Variants in ANKRD13A observed in about 807,000 individuals in gnomAD.
ANKRD13A encodes ankyrin repeat domain 13A.
A neutral mutation model predicts 81.3 loss-of-function variants in ANKRD13A; 48 were observed. The ratio of observed to expected loss-of-function variants is 0.59; its 90% CI spans 0.47 to 0.75. The LOEUF is 0.75. Among genes scored for constraint, ANKRD13A ranks in the 30% least tolerant of loss-of-function variants. The pLI is 0.00. For missense variants in ANKRD13A, 612 were observed against 734.0 expected (o/e 0.83, Z 1.92); for synonymous variants, 230 against 270.1 (o/e 0.85, Z 1.45).
chr12:110,030,436 G>A (rs1261584163), intron 11 of ANKRD13A, among the ~76,000 whole-genome samples: 1 of 152,026 alleles, frequency 6.6e-6, no homozygotes, highest in Non-Finnish European at 1.5e-5. Context: ...CAAAGTGCTG[G>A]GATTACAGGT....
chr12:110,030,619 A>C, intron 11 of ANKRD13A, 26 bp from the exon 12 acceptor site: 1 of 1,422,152 alleles, frequency 7.0e-7, no homozygotes, highest in Non-Finnish European at 9.7e-7. Context: ...AAGTTTACTT[A>C]TAAAAGTTTT....
rs531963134 is a variant in ANKRD13A at position 110,039,136 on chromosome 12, ATTTG to A, written c.*1590_*1593del. 11 of 151,506 alleles carry A rather than the reference ATTTG, an allele frequency of 7.3e-5. No homozygotes were observed. In the East Asian group the frequency reaches 2.1e-3, roughly 29 times the overall value. 9.4% of individuals were successfully genotyped at this position (151,506 alleles called of 1,614,324 possible). A position where few individuals can be genotyped will look rare whatever the true frequency, so the allele number is the denominator to read the frequency against. On this transcript the variant is annotated 3_prime_UTR_variant, in exon 15 of 15. Transcript: ENST00000261739. ...ATGAGGCCAGTATAGGCAACGTCAC[ATTTG>A]TTTGTTTCAAATATGCAGTGTGGTA...
chr12:110,021,108 G>C, intron 6 of ANKRD13A: 1 of 456,744 alleles, frequency 2.2e-6, no homozygotes, highest in Non-Finnish European at 4.4e-6. Context: ...GTGCCCACAG[G>C]GTTTTCAGAG....
At chr12:110,021,093 T>C (rs557432508) in intron 6 of ANKRD13A, 3 of 456,346 alleles carry the variant, frequency 6.6e-6, no homozygotes, top group East Asian at 6.9e-5. Context: ...ACATTTTGTA[T>C]TTTTGTGCCC....
chr12:110,016,351 A>G, intron 3 of ANKRD13A, 37 bp from the exon 4 acceptor site: 2 of 1,534,330 alleles, frequency 1.3e-6, no homozygotes, highest in East Asian at 2.3e-5. Flanking sequence ...TGATAGTGCC[A>G]AGGGTAATCT....
In ANKRD13A at chr12:109,999,786, T is replaced by A; in HGVS notation, c.96+2T>A. 4 of 1,528,116 alleles carry A rather than the reference T, an allele frequency of 2.6e-6. No individual in the cohort carries two copies. Among genetic ancestry groups the A allele is most frequent in the Non-Finnish European group, 3.5e-6 (4 of 1,135,674 alleles). 94.7% of individuals were successfully genotyped at this position (1,528,116 alleles called of 1,614,324 possible). A position where few individuals can be genotyped will look rare whatever the true frequency, so the allele number is the denominator to read the frequency against. On this transcript the variant is annotated splice_donor_variant, in intron 1 of 14. Coordinates refer to ENST00000261739, the MANE Select transcript of ANKRD13A (RefSeq NM_033121.2). LOFTEE classifies it high-confidence loss of function. The surrounding 1 kb of genome is among the most constrained non-coding windows in gnomAD (Gnocchi z 4.3). Reference sequence around the variant, plus strand: ...CTCGAGAAGGAGCTGCAGGGCCAGGTGAGGGGCGGGGCGGGGGTCCGTCTC... The same window carrying A: ...CTCGAGAAGGAGCTGCAGGGCCAGGAGAGGGGCGGGGCGGGGGTCCGTCTC...
At chr12:110,008,620 C>T (rs1434528444) in intron 1 of ANKRD13A, among the ~76,000 whole-genome samples, 1 of 152,130 alleles carries the variant, frequency 6.6e-6, no homozygotes, top group Admixed American at 6.5e-5. Context: ...CATGGTGGCT[C>T]GTGCCTGTAA....
In ANKRD13A at chr12:110,038,003, T is replaced by C. The variant is rs1291916697; in HGVS notation, c.*449T>C. The C allele has an allele frequency of 1.3e-5, 2 of 154,970 alleles. No homozygotes were observed. The highest frequency in any genetic ancestry group is 4.8e-5 in the African/African-American group (2 of 41,492). The allele number at this position is 154,970 out of a possible 1,614,324, so 9.6% of individuals were successfully genotyped here. A position where few individuals can be genotyped will look rare whatever the true frequency, so the allele number is the denominator to read the frequency against. The stretch of plus-strand genomic sequence containing the variant: ...ATGAGAATTGGAGACACTTCTTTAC[T>C]GTTCACCAAAGAAATGGGTAATCTG... On this transcript the variant is annotated 3_prime_UTR_variant, in exon 15 of 15. Coordinates refer to ENST00000261739, the MANE Select transcript of ANKRD13A (RefSeq NM_033121.2).
intron 6 of ANKRD13A, chr12:110,023,557 C>T (rs1442898085): frequency 6.5e-6 from 1 of 153,626 alleles, no homozygotes; most frequent in Non-Finnish European, 1.5e-5. Flanking sequence ...CCCACCTGCT[C>T]TTTTGTAAGG....
Position 110,037,596 on chromosome 12 carries a change from G to A in ANKRD13A, c.*42G>A, listed in dbSNP as rs775848255. 2 of 1,583,710 alleles carry A rather than the reference G, an allele frequency of 1.3e-6. No homozygotes were observed. The highest frequency in any genetic ancestry group is 2.3e-4 in the Middle Eastern group (1 of 4,418). On this transcript the variant is annotated 3_prime_UTR_variant, in exon 15 of 15. Transcript: ENST00000261739. ...GCCTCTGCACAAAGCAGAGGCTGTGGGCTGTCACAGATGCTGTGTCAACCA... is the reference window on the plus strand; with the variant it reads ...GCCTCTGCACAAAGCAGAGGCTGTGAGCTGTCACAGATGCTGTGTCAACCA...
At position 110,018,260 on chromosome 12, in the gene ANKRD13A, T is replaced by C; in HGVS notation, c.401-85T>C. ...TCACCATCTTGCCACTCCCCTCCTT[T>C]TATTAAATCAGAATCCTGATTTCCT... On this transcript the variant is annotated intron_variant, in intron 4 of 14. Coordinates refer to ENST00000261739, the MANE Select transcript of ANKRD13A (RefSeq NM_033121.2). The surrounding 1 kb of genome is among the most constrained non-coding windows in gnomAD (Gnocchi z 4.4). 6.9e-7 allele frequency: 1 copy of C among 1,444,808 alleles called. No homozygotes were observed. Among genetic ancestry groups the C allele is most frequent in the Non-Finnish European group, 9.4e-7 (1 of 1,063,588 alleles). The allele number at this position is 1,444,808 out of a possible 1,614,324, so 89.5% of individuals were successfully genotyped here. A position where few individuals can be genotyped will look rare whatever the true frequency, so the allele number is the denominator to read the frequency against.
rs1221756679 is a variant in ANKRD13A at position 110,038,674 on chromosome 12, G to T, written c.*1120G>T. On this transcript the variant is annotated 3_prime_UTR_variant, in exon 15 of 15. Coordinates refer to ENST00000261739, the MANE Select transcript of ANKRD13A (RefSeq NM_033121.2). ...AACAATCTTTTTATTATTTGTAAAA[G>T]ATATAAAAACAACTCCCATCAGTAG... 2 of 152,602 alleles carry T rather than the reference G, an allele frequency of 1.3e-5. No individual in the cohort carries two copies. The highest frequency in any genetic ancestry group is 1.9e-4 in the East Asian group (1 of 5,174). 9.5% of individuals were successfully genotyped at this position (152,602 alleles called of 1,614,324 possible).
chr12:110,017,185 C>T (rs1433756163), intron 4 of ANKRD13A, among the ~76,000 whole-genome samples: 1 of 152,208 alleles, frequency 6.6e-6, no homozygotes, highest in Non-Finnish European at 1.5e-5. Flanking sequence ...GCTGGGATTA[C>T]AGGCATGAGC....
At chr12:110,034,737 A>G (rs913446253) in intron 13 of ANKRD13A, among the ~76,000 whole-genome samples, 10 of 152,082 alleles carry the variant, frequency 6.6e-5, no homozygotes, top group Non-Finnish European at 1.5e-4. Context: ...TGGCTCTACT[A>G]GGGTAGGGTC....
chr12:110,012,415 T>C (rs1018558877), intron 2 of ANKRD13A, among the ~76,000 whole-genome samples: 1 of 152,296 alleles, frequency 6.6e-6, no homozygotes, highest in South Asian at 2.1e-4. Context: ...AAGGCCAGTC[T>C]CAATCATACT....
At position 110,012,297 on chromosome 12, in the gene ANKRD13A, T is replaced by C. The variant is rs1484273048; in HGVS notation, c.229+160T>C. Among the ~76,000 whole-genome samples the C allele has an allele frequency of 5.9e-5, 9 of 151,712 alleles. No individual in the cohort carries two copies. The East Asian group carries it at 1.5e-3, about 26-fold the overall frequency. On this transcript the variant is annotated intron_variant, in intron 2 of 14. Coordinates refer to ENST00000261739, the MANE Select transcript of ANKRD13A (RefSeq NM_033121.2). Reference sequence around the variant, plus strand: ...GTAGGATCACCTGAGCCCGGGGAGGTTGACACTGCAGTGAACTGTGATTGC... The same window carrying C: ...GTAGGATCACCTGAGCCCGGGGAGGCTGACACTGCAGTGAACTGTGATTGC...
At chr12:110,027,816 T>G in intron 9 of ANKRD13A, 50 bp downstream of exon 9, 3 of 1,590,414 alleles carry the variant, frequency 1.9e-6, no homozygotes, top group Non-Finnish European at 2.6e-6. Flanking sequence ...AGGAAACAAC[T>G]TGTCTGTGTC....
At chr12:110,028,115 T>G (rs868369808) in intron 9 of ANKRD13A, 3 of 341,934 alleles carry the variant, frequency 8.8e-6, no homozygotes, top group African/African-American at 6.3e-5. Flanking sequence ...TCACAGTAAC[T>G]ATATGAACTT....
intron 10 of ANKRD13A, chr12:110,028,928 G>C (rs569677371): frequency 3.5e-6 from 1 of 288,736 alleles, no homozygotes; most frequent in South Asian, 3.4e-5. Flanking sequence ...AGTAGAGATA[G>C]GGTTTCACCA....
Sources: gnomAD v4.1 joint callset for allele counts (sites outside exome capture counted in the v4.1 genomes callset) on GRCh38, gnomAD v4.1.1 for gene constraint, Gnocchi (gnomAD v3.1) non-coding constraint, MANE v1.5 for transcripts, NCBI Gene and HGNC (gene_info 2026-07-23, HGNC 2026-07-21) for gene names.